Variants in KCTD7 observed in about 807,000 individuals in gnomAD.
The protein encoded by KCTD7 is potassium channel tetramerization domain containing 7, also known as BTB/POZ domain-containing protein KCTD7.
A neutral mutation model predicts 27.0 loss-of-function variants in KCTD7; 15 were observed. That is an observed-to-expected ratio of 0.56 (90% CI 0.37 to 0.86). The LOEUF is 0.86. KCTD7 is among the 40% of genes least tolerant of loss of function. The pLI, the probability that KCTD7 is intolerant of heterozygous loss-of-function variation, is 0.00. For missense variants in KCTD7, 299 were observed against 398.9 expected (o/e 0.75, Z 2.13); for synonymous variants, 159 against 162.7 (o/e 0.98, Z 0.17).
chr7:66,629,251 C>A, intron 1 of KCTD7, 43 bp downstream of exon 1: 1 of 320,466 alleles, frequency 3.1e-6, no homozygotes, highest in Non-Finnish European at 4.8e-6. Context: ...GGGAGGGGCG[C>A]GGGGGAGAAG....
At chr7:66,633,621 A>G (rs1041847363) in intron 2 of KCTD7, among the ~76,000 whole-genome samples, 177 bp downstream of exon 2, 2 of 150,010 alleles carry the variant, frequency 1.3e-5, no homozygotes, top group Non-Finnish European at 3.0e-5. Flanking sequence ...GCCAAAGGAG[A>G]CAAAGACAGC....
intron 1 of KCTD7, 21 bp from the exon 2 acceptor site, chr7:66,633,254 G>C (rs374702986): frequency 9.9e-6 from 16 of 1,613,342 alleles, no homozygotes; most frequent in African/African-American, 1.3e-5. Flanking sequence ...CTGCCTGAGA[G>C]CCCTGGTGAT....
intron 1 of KCTD7, among the ~76,000 whole-genome samples, chr7:66,631,955 TC>T (rs1786453330): frequency 6.6e-6 from 1 of 152,034 alleles, no homozygotes; most frequent in South Asian, 2.1e-4. Flanking sequence ...AAGCTTGGGG[TC>T]TAGTGGAGTG....
chr7:66,638,757 T>C lies in KCTD7; in HGVS notation c.494-99T>C, dbSNP rs1048000965. On this transcript the variant is annotated intron_variant, in intron 3 of 3. Coordinates refer to ENST00000639828, the MANE Select transcript of KCTD7 (RefSeq NM_153033.5). ...TTCCCCGGGAAATCTGTCTTTCCCC[T>C]CCTGCATCCTGCCATCTTCAGGACT... The C allele has an allele frequency of 4.7e-5, 69 of 1,453,720 alleles. 1 individual carries two copies. The highest frequency in any genetic ancestry group is 1.4e-4 in the Admixed American group (8 of 55,334). The allele number at this position is 1,453,720 out of a possible 1,614,324, so 90.1% of individuals were successfully genotyped here.
At chr7:66,631,456 C>G (rs1475031130) in intron 1 of KCTD7, among the ~76,000 whole-genome samples, 1 of 151,788 alleles carries the variant, frequency 6.6e-6, no homozygotes, top group East Asian at 1.9e-4. Context: ...GTAGTCCCAG[C>G]TACTTTGGAG....
chr7:66,634,113 C>CATATATATATATATATACAT (rs1554397949), intron 2 of KCTD7, among the ~76,000 whole-genome samples: 10 of 132,258 alleles, frequency 7.6e-5, no homozygotes, highest in African/African-American at 3.0e-4. Context: ...TGTGTGTATA[C>CATATATATATATATATACAT]ATATATATAT....
At chr7:66,635,622 T>C (rs927264293) in intron 2 of KCTD7, among the ~76,000 whole-genome samples, 1 of 149,140 alleles carries the variant, frequency 6.7e-6, no homozygotes, top group African/African-American at 2.5e-5. Context: ...AACCACTACA[T>C]CTCTGTGCTG....
chr7:66,632,940 C>T (rs2116762978), intron 1 of KCTD7, among the ~76,000 whole-genome samples: 1 of 151,558 alleles, frequency 6.6e-6, no homozygotes, highest in South Asian at 2.1e-4. Flanking sequence ...GCCTGTAGTC[C>T]CAGCTACTCC....
At chr7:66,634,662 G>A (rs12536586) in intron 2 of KCTD7, among the ~76,000 whole-genome samples, 6,014 of 152,138 alleles carry the variant, frequency 0.04, 169 homozygotes, top group East Asian at 0.089. Flanking sequence ...GGGGCTCAGC[G>A]TTGCCATGGG....
At position 66,642,290 on chromosome 7, in the gene KCTD7, G is replaced by A; in HGVS notation, c.*3058G>A. 1 of 985,408 alleles carries A rather than the reference G, an allele frequency of 1.0e-6. No individual in the cohort carries two copies. Among genetic ancestry groups the A allele is most frequent in the Non-Finnish European group, 1.2e-6 (1 of 829,928 alleles). The allele number at this position is 985,408 out of a possible 1,614,324, so 61.0% of individuals were successfully genotyped here. A position where few individuals can be genotyped will look rare whatever the true frequency, so the allele number is the denominator to read the frequency against. On this transcript the variant is annotated 3_prime_UTR_variant, in exon 4 of 4. Transcript: ENST00000639828. The stretch of plus-strand genomic sequence containing the variant: ...TCTGCCTTGTTCACCAGGCTGCCCA[G>A]TGCTTACCATGCAGAAAGCAGTCAG...
intron 2 of KCTD7, among the ~76,000 whole-genome samples, chr7:66,634,709 C>CAGAAA (rs1474403135): frequency 3.3e-5 from 5 of 151,426 alleles, no homozygotes; most frequent in Admixed American, 6.6e-5. Flanking sequence ...TACCAGACTT[C>CAGAAA]TTTCAGTAGT....
At chr7:66,633,596 T>C (rs1271012916) in intron 2 of KCTD7, 152 bp downstream of exon 2, 1 of 518,672 alleles carries the variant, frequency 1.9e-6, no homozygotes, top group Non-Finnish European at 3.1e-6. Context: ...GAGATCAATT[T>C]TTTTTTTTTT....
rs752567923 is a variant in KCTD7 at position 66,633,385 on chromosome 7, C to T, written c.255C>T (p.His85=). The T allele has an allele frequency of 1.9e-6, 3 of 1,614,130 alleles. No individual in the cohort carries two copies. Among genetic ancestry groups the T allele is most frequent in the South Asian group, 1.1e-5 (1 of 91,084 alleles). ...TGGCAGCCATGTTCAGTGGGCGGCA[C>T]TACATCCCCACGGACTCCGAGGGCC... The part of the protein sequence containing the change: ...TMLAAMFSGR[H]YIPTDSEGRY... The change falls in exon 2 of 4, where the codon CAC becomes CAT. Residue 85 remains histidine (H), a synonymous_variant. Transcript: ENST00000639828.
intron 2 of KCTD7, among the ~76,000 whole-genome samples, chr7:66,635,963 T>C (rs1786575529): frequency 6.6e-6 from 1 of 152,110 alleles, no homozygotes; most frequent in South Asian, 2.1e-4. Flanking sequence ...TGGGTTTGAC[T>C]TGAGGTGGAT....
At position 66,633,299 on chromosome 7, in the gene KCTD7, A is replaced by T; in HGVS notation, c.169A>T (p.Ile57Phe). ...QEFPEVVPLN[I>F]GGAHFTTRLS... ...GTTTCCTGAGGTTGTTCCCCTTAAC[A>T]TCGGAGGGGCTCACTTCACTACACG... The change falls in exon 2 of 4, where the codon ATC (isoleucine) becomes TTC (phenylalanine). Residue 57 changes from isoleucine to phenylalanine, a missense_variant. Ile to Phe is a conservative substitution (Grantham distance 21). Coordinates refer to ENST00000639828, the MANE Select transcript of KCTD7 (RefSeq NM_153033.5). 1.2e-6 allele frequency: 2 copies of T among 1,613,880 alleles called. No homozygotes were observed. The highest frequency in any genetic ancestry group is 1.7e-6 in the Non-Finnish European group (2 of 1,179,842).
chr7:66,629,833 G>A (rs985647302), intron 1 of KCTD7, among the ~76,000 whole-genome samples: 1 of 152,230 alleles, frequency 6.6e-6, no homozygotes, highest in Non-Finnish European at 1.5e-5. Flanking sequence ...ATAAGGGGCA[G>A]GCCAGTTCAT....
intron 1 of KCTD7, among the ~76,000 whole-genome samples, chr7:66,632,857 C>A (rs957808103): frequency 6.6e-6 from 1 of 150,382 alleles, no homozygotes; most frequent in African/African-American, 2.5e-5. Context: ...TCCTGGCTAA[C>A]GCAGTGAAAC....
rs770506126 is a variant in KCTD7 at position 66,629,022 on chromosome 7, C to G, written c.-43C>G. 13 of 1,478,230 alleles carry G rather than the reference C, an allele frequency of 8.8e-6. No homozygotes were observed. The highest frequency in any genetic ancestry group is 9.9e-6 in the Non-Finnish European group (11 of 1,111,440). The allele number at this position is 1,478,230 out of a possible 1,614,324, so 91.6% of individuals were successfully genotyped here. A position where few individuals can be genotyped will look rare whatever the true frequency, so the allele number is the denominator to read the frequency against. On this transcript the variant is annotated 5_prime_UTR_variant, in exon 1 of 4. Coordinates refer to ENST00000639828, the MANE Select transcript of KCTD7 (RefSeq NM_153033.5). The stretch of plus-strand genomic sequence containing the variant: ...GGTAGGGAGTGCCCGGGGCCGCCGC[C>G]TCCGCCCGCCCGAAGCCGCGCCCAC...
chr7:66,637,969 A>G (rs1380618793), intron 2 of KCTD7, among the ~76,000 whole-genome samples: 1 of 152,234 alleles, frequency 6.6e-6, no homozygotes, highest in African/African-American at 2.4e-5. Context: ...TATACCTAAT[A>G]ATAGTAATTA....
Sources: gnomAD v4.1 joint callset for allele counts (sites outside exome capture counted in the v4.1 genomes callset) on GRCh38, gnomAD v4.1.1 for gene constraint, MANE v1.5 for transcripts, NCBI Gene and HGNC (gene_info 2026-07-23, HGNC 2026-07-21) for gene names.